Variants in AKAIN1 observed in about 807,000 individuals in gnomAD.
AKAIN1 encodes the protein A-kinase anchor protein inhibitor 1.
In AKAIN1, 3 loss-of-function variants were observed where a neutral mutation model predicts 3.7. The observed-to-expected ratio is 0.82, with a 90% CI of 0.37 to 2.12. AKAIN1 has a LOEUF of 2.12. Ranked by LOEUF, AKAIN1 falls within the 30% of genes most tolerant of loss-of-function variation. AKAIN1 has a pLI of 0.06. For synonymous variants in AKAIN1, 31 were observed against 30.8 expected (o/e 1.01, Z -0.02); for missense variants, 82 against 82.7 (o/e 0.99, Z 0.03).
intron 1 of AKAIN1, among the ~76,000 whole-genome samples, chr18:5,165,384 A>G (rs1362981670): frequency 6.6e-6 from 1 of 151,970 alleles, no homozygotes; most frequent in Non-Finnish European, 1.5e-5. Context: ...AGTAAGGTGT[A>G]AGAAAGAACA....
At chr18:5,169,990 T>A (rs1331969118) in intron 1 of AKAIN1, among the ~76,000 whole-genome samples, 1 of 152,144 alleles carries the variant, frequency 6.6e-6, no homozygotes, top group Non-Finnish European at 1.5e-5. Context: ...CTACACTGGG[T>A]ACAATTATAC....
chr18:5,190,510 T>C (rs1164776388), intron 1 of AKAIN1, among the ~76,000 whole-genome samples: 5 of 152,184 alleles, frequency 3.3e-5, no homozygotes, highest in Admixed American at 6.6e-5. Flanking sequence ...CATATAGTTT[T>C]ACTGGTGACG....
chr18:5,166,424 T>C (rs545910681), intron 1 of AKAIN1, among the ~76,000 whole-genome samples: 1 of 152,118 alleles, frequency 6.6e-6, no homozygotes, highest in South Asian at 2.1e-4. Flanking sequence ...CTGTTTCCCT[T>C]TTTATCCCTC....
At chr18:5,184,234 G>A (rs2071274767) in intron 1 of AKAIN1, among the ~76,000 whole-genome samples, 1 of 151,982 alleles carries the variant, frequency 6.6e-6, no homozygotes, top group Admixed American at 6.6e-5. Flanking sequence ...TAGGGAGTAG[G>A]CAAATTTGCA....
chr18:5,162,616 A>G, intron 1 of AKAIN1, among the ~76,000 whole-genome samples: 1 of 135,886 alleles, frequency 7.4e-6, no homozygotes, highest in Non-Finnish European at 1.6e-5. Context: ...TGAAGAGTTC[A>G]ATGTGATGCG....
intron 1 of AKAIN1, among the ~76,000 whole-genome samples, chr18:5,191,219 T>A (rs1000674442): frequency 5.3e-5 from 8 of 152,130 alleles, no homozygotes; most frequent in African/African-American, 1.9e-4. Context: ...GAAATAAAAC[T>A]TTTTTCAAAG....
intron 1 of AKAIN1, among the ~76,000 whole-genome samples, chr18:5,145,976 G>A (rs1470455704): frequency 6.6e-6 from 1 of 151,906 alleles, no homozygotes; most frequent in Non-Finnish European, 1.5e-5. Flanking sequence ...ATGACCTAGT[G>A]TTTGCATATA....
chr18:5,158,070 C>T (rs1255554777), intron 1 of AKAIN1, among the ~76,000 whole-genome samples: 1 of 152,142 alleles, frequency 6.6e-6, no homozygotes, highest in Non-Finnish European at 1.5e-5. Context: ...GGCACGCCCT[C>T]ACAAGGTTGT....
intron 1 of AKAIN1, among the ~76,000 whole-genome samples, chr18:5,174,772 T>C (rs111858242): frequency 4.3e-4 from 65 of 151,710 alleles, no homozygotes; most frequent in Middle Eastern, 3.2e-3. Context: ...TTGTCTCAGA[T>C]GGAGTGATCG....
intron 1 of AKAIN1, among the ~76,000 whole-genome samples, chr18:5,178,714 C>T (rs1368041094): frequency 6.6e-6 from 1 of 152,092 alleles, no homozygotes; most frequent in Non-Finnish European, 1.5e-5. Flanking sequence ...CTTCTCAACC[C>T]AACCACACAG....
rs2071032275 is a variant in AKAIN1, at chr18:5,143,491, A to G, written c.*2071T>C. 6.6e-6 allele frequency among the ~76,000 whole-genome samples: 1 copy of G among 152,188 alleles called. No homozygotes were observed. Among genetic ancestry groups the G allele is most frequent in the African/African-American group, 2.4e-5 (1 of 41,444 alleles). On this transcript the variant is annotated 3_prime_UTR_variant, in exon 2 of 2. Transcript: ENST00000434239. ...CTTAGCATACATCCTTTTCTCTTCAAGCCTCAGGACCCACCATCCCATGGC... is the reference window on the plus strand; with the variant it reads ...CTTAGCATACATCCTTTTCTCTTCAGGCCTCAGGACCCACCATCCCATGGC...
At chr18:5,149,641 C>T (rs766892071) in intron 1 of AKAIN1, among the ~76,000 whole-genome samples, 10 of 152,304 alleles carry the variant, frequency 6.6e-5, no homozygotes, top group South Asian at 2.1e-4. Flanking sequence ...TGCATATTCA[C>T]GACGTGCATT....
intron 1 of AKAIN1, among the ~76,000 whole-genome samples, chr18:5,161,832 C>T (rs2071141031): frequency 6.6e-6 from 1 of 152,026 alleles, no homozygotes; most frequent in African/African-American, 2.4e-5. Context: ...GCACACTGGC[C>T]AATTTTCTAA....
chr18:5,188,890 CCT>C (rs1228522181), intron 1 of AKAIN1, among the ~76,000 whole-genome samples: 1 of 152,134 alleles, frequency 6.6e-6, no homozygotes, highest in African/African-American at 2.4e-5. Context: ...ACTTGGGTCT[CCT>C]CTCTCTTTTG....
chr18:5,144,365 T>C lies in AKAIN1; in HGVS notation c.*1197A>G, dbSNP rs1290128710. The stretch of plus-strand genomic sequence containing the variant: ...GGTCAAATTCTTCCTCTGTCCCCAA[T>C]AGCACCAATTCAATAACTTTTGTGA... On this transcript the variant is annotated 3_prime_UTR_variant, in exon 2 of 2. Coordinates refer to ENST00000434239, the MANE Select transcript of AKAIN1 (RefSeq NM_001145194.2). Among the ~76,000 whole-genome samples, 1 of 152,224 alleles carries C rather than the reference T, an allele frequency of 6.6e-6. No individual in the cohort carries two copies. The highest frequency in any genetic ancestry group is 1.5e-5 in the Non-Finnish European group (1 of 68,044).
intron 1 of AKAIN1, among the ~76,000 whole-genome samples, chr18:5,168,572 G>A (rs997909275): frequency 6.6e-6 from 1 of 151,992 alleles, no homozygotes; most frequent in Non-Finnish European, 1.5e-5. Context: ...GTTTTAAAGT[G>A]TTACTTTATC....
At position 5,143,038 on chromosome 18, in the gene AKAIN1, G is replaced by T. The variant is rs1339994090; in HGVS notation, c.*2524C>A. ...GAAGACGAACAGCTGAACACACAGA[G>T]ATGGGAAGCCTGTGTATGCAGTAAA... On this transcript the variant is annotated 3_prime_UTR_variant, in exon 2 of 2. Transcript: ENST00000434239. 6.6e-6 allele frequency among the ~76,000 whole-genome samples: 1 copy of T among 152,160 alleles called. No individual in the cohort carries two copies. Among genetic ancestry groups the T allele is most frequent in the Non-Finnish European group, 1.5e-5 (1 of 68,022 alleles).
At chr18:5,153,147 G>A (rs1484462222) in intron 1 of AKAIN1, among the ~76,000 whole-genome samples, 1 of 152,148 alleles carries the variant, frequency 6.6e-6, no homozygotes, top group Non-Finnish European at 1.5e-5. Context: ...AAGCTTTTAT[G>A]TGCAGAGCTG....
Position 5,153,111 on chromosome 18 carries a change from G to A in AKAIN1, c.17-7356C>T, listed in dbSNP as rs1259416924. Among the ~76,000 whole-genome samples the A allele has an allele frequency of 5.9e-5, 9 of 152,284 alleles. No homozygotes were observed. In the East Asian group the frequency reaches 1.5e-3, roughly 26 times the overall value. On this transcript the variant is annotated intron_variant, in intron 1 of 1. Transcript: ENST00000434239. The stretch of plus-strand genomic sequence containing the variant: ...GCCTTGAAGGGCAGGGCAGACAAGC[G>A]GCTGGTTGACTAACAGGGTCATGGA...
Sources: gnomAD v4.1 joint callset for allele counts (sites outside exome capture counted in the v4.1 genomes callset) on GRCh38, gnomAD v4.1.1 for gene constraint, MANE v1.5 for transcripts, NCBI Gene and HGNC (gene_info 2026-07-23, HGNC 2026-07-21) for gene names.